The following INSC variants were observed in gnomAD, a reference collection of about 807,000 sequenced individuals.
INSC encodes protein inscuteable homolog.
INSC carries 67 observed loss-of-function variants against 58.6 expected under a neutral mutation model. The ratio of observed to expected loss-of-function variants is 1.14; its 90% CI spans 0.94 to 1.40. The LOEUF is 1.40. Ranked by LOEUF, INSC falls within the 40% of genes most tolerant of loss-of-function variation. The pLI is 0.00. For synonymous variants in INSC, 262 were observed against 276.1 expected (o/e 0.95, Z 0.51); for missense variants, 714 against 692.0 (o/e 1.03, Z -0.36).
chr11:15,172,946 T>C (rs1288557116), intron 2 of INSC, among the ~76,000 whole-genome samples: 1 of 152,196 alleles, frequency 6.6e-6, no homozygotes, highest in Admixed American at 6.5e-5. Context: ...GGGAGAAACA[T>C]ATTTTAATAT....
At chr11:15,144,613 C>G (rs993851461) in intron 1 of INSC, among the ~76,000 whole-genome samples, 2 of 152,156 alleles carry the variant, frequency 1.3e-5, no homozygotes, top group African/African-American at 4.8e-5. Context: ...GTTGACAGCC[C>G]TAATATTGAC....
At chr11:15,146,451 G>A (rs1434312362) in intron 1 of INSC, among the ~76,000 whole-genome samples, 2 of 152,200 alleles carry the variant, frequency 1.3e-5, no homozygotes, top group African/African-American at 4.8e-5. Flanking sequence ...GATGTCCTTA[G>A]GGTGCCTCCC....
At position 15,240,503 on chromosome 11, in the gene INSC, G is replaced by T. The variant is rs201482506; in HGVS notation, c.1450G>T (p.Ala484Ser). ...CCCATCAGAGAGGAACAGCAGTGAC[G>T]CCGTGCTTGTGGCCTGCCTGGTGAG... Reference protein sequence around the residue: ...RSPSERNSSDAVLVACLAALR... With the variant: ...RSPSERNSSDSVLVACLAALR... The change falls in exon 12 of 13, where the codon GCC (alanine) becomes TCC (serine). Residue 484 changes from alanine to serine, a missense_variant. Ala to Ser is a moderately conservative substitution (Grantham distance 99, BLOSUM62 1). Transcript: ENST00000379556. The T allele has an allele frequency of 6.2e-7, 1 of 1,613,536 alleles. No homozygotes were observed. Among genetic ancestry groups the T allele is most frequent in the Non-Finnish European group, 8.5e-7 (1 of 1,179,858 alleles).
chr11:15,208,074 C>T (rs1022023764), intron 7 of INSC, among the ~76,000 whole-genome samples: 8 of 152,156 alleles, frequency 5.3e-5, no homozygotes, highest in Non-Finnish European at 1.2e-4. Context: ...AATATATAAG[C>T]CAGGCTGGAT....
At chr11:15,165,340 G>A (rs952617549) in intron 2 of INSC, among the ~76,000 whole-genome samples, 2 of 152,024 alleles carry the variant, frequency 1.3e-5, no homozygotes, top group African/African-American at 4.8e-5. Context: ...AACACTTAGA[G>A]TATTACCCAT....
At chr11:15,253,773 C>G in the INSC span, among the ~76,000 whole-genome samples, 3 of 152,116 alleles carry the variant, frequency 2.0e-5, no homozygotes, top group Non-Finnish European at 4.4e-5. Context: ...TGTCCTGCCT[C>G]TCCAGGCTGT....
chr11:15,176,113 C>A (rs374475457), intron 3 of INSC, 27 bp downstream of exon 3: 4 of 1,465,890 alleles, frequency 2.7e-6, no homozygotes, highest in South Asian at 1.4e-5. Context: ...TAGGAGTGGG[C>A]GGGAACTGGA....
intron 7 of INSC, among the ~76,000 whole-genome samples, chr11:15,214,623 C>T (rs1851146323): frequency 6.6e-6 from 1 of 152,158 alleles, no homozygotes; most frequent in South Asian, 2.1e-4. Flanking sequence ...GTTTGCTGTA[C>T]ACTTTGGGTT....
At chr11:15,214,957 C>T (rs1365320599) in intron 7 of INSC, among the ~76,000 whole-genome samples, 1 of 152,172 alleles carries the variant, frequency 6.6e-6, no homozygotes, top group Non-Finnish European at 1.5e-5. Context: ...GCCTCCAAAA[C>T]TGTAAGAAGT....
intron 1 of INSC, among the ~76,000 whole-genome samples, chr11:15,115,371 A>C (rs980010575): frequency 2.2e-4 from 34 of 152,156 alleles, no homozygotes; most frequent in Non-Finnish European, 5.9e-5. Flanking sequence ...GAGCCAGTCC[A>C]CATGTGGATG....
chr11:15,203,055 A>G (rs1186465017), intron 7 of INSC, among the ~76,000 whole-genome samples: 5 of 152,242 alleles, frequency 3.3e-5, no homozygotes, highest in Non-Finnish European at 7.3e-5. Flanking sequence ...GAACCTTGTG[A>G]GGTGAGCACT....
At chr11:15,256,367 T>G in the INSC span, among the ~76,000 whole-genome samples, 4 of 152,192 alleles carry the variant, frequency 2.6e-5, no homozygotes, top group East Asian at 5.8e-4. Flanking sequence ...ACTTCTAAAT[T>G]GAAAAGTTCA....
chr11:15,179,302 G>A (rs1391248271), intron 5 of INSC, among the ~76,000 whole-genome samples: 2 of 152,174 alleles, frequency 1.3e-5, no homozygotes, highest in African/African-American at 4.8e-5. Context: ...CAGTAAAGCA[G>A]ATTCCATAAG....
the INSC span, among the ~76,000 whole-genome samples, chr11:15,256,611 T>C: frequency 6.6e-6 from 1 of 151,958 alleles, no homozygotes; most frequent in Admixed American, 6.6e-5. Flanking sequence ...TGCCTCAGCC[T>C]ACCAAGTAGC....
chr11:15,221,003 T>G (rs1851415464), intron 7 of INSC, among the ~76,000 whole-genome samples: 2 of 152,190 alleles, frequency 1.3e-5, no homozygotes, highest in Non-Finnish European at 2.9e-5. Context: ...CTCTTCTAGA[T>G]CAGGCATTGC....
intron 6 of INSC, among the ~76,000 whole-genome samples, chr11:15,191,304 T>C (rs1211705830): frequency 6.6e-6 from 1 of 151,096 alleles, no homozygotes; most frequent in East Asian, 1.9e-4. Context: ...AGTAGGTGGC[T>C]AGCCCCTCTG....
At chr11:15,256,731 A>G in the INSC span, among the ~76,000 whole-genome samples, 112,297 of 151,920 alleles carry the variant, frequency 0.74, 41,670 homozygotes, top group South Asian at 0.8. Flanking sequence ...CTCATGATCC[A>G]CCCACTTCGG....
chr11:15,237,370 C>G (rs1852171080), intron 10 of INSC, among the ~76,000 whole-genome samples: 1 of 152,170 alleles, frequency 6.6e-6, no homozygotes, highest in South Asian at 2.1e-4. Context: ...TATGACCTCT[C>G]TGTTTTTTCA....
upstream of INSC, chr11:15,112,641 G>GTACT: frequency 2.9e-6 from 1 of 348,964 alleles, no homozygotes; most frequent in Non-Finnish European, 4.3e-6. Flanking sequence ...TGTGTGTATT[G>GTACT]GGAAGTGGGG....
Sources: allele counts gnomAD v4.1 joint callset (sites outside exome capture counted in the v4.1 genomes callset), GRCh38; gene constraint gnomAD v4.1.1; transcripts MANE v1.5; gene names NCBI Gene and HGNC (gene_info 2026-07-23, HGNC 2026-07-21).